Variants in FRMD5 observed in about 807,000 individuals in gnomAD.
FRMD5 encodes the protein FERM domain containing 5, also known as FERM domain-containing protein 5.
A neutral mutation model predicts 69.0 loss-of-function variants in FRMD5; 20 were observed. That is an observed-to-expected ratio of 0.29 (90% CI 0.20 to 0.42). The LOEUF is 0.42. Ranked by LOEUF, FRMD5 falls within the 10% of genes least tolerant of loss-of-function variation. The pLI is 1.00. For synonymous variants in FRMD5, 271 were observed against 260.1 expected, an observed-to-expected ratio of 1.04 and a Z score of -0.40; for missense variants, 595 against 708.6, an observed-to-expected ratio of 0.84 and a Z score of 1.82.
At chr15:43,935,697 G>A (rs2089748658) in intron 1 of FRMD5, among the ~76,000 whole-genome samples, 1 of 152,112 alleles carries the variant, frequency 6.6e-6, no homozygotes, top group Non-Finnish European at 1.5e-5. Flanking sequence ...GAAGAGTAGG[G>A]GTGAGTGGAG....
chr15:43,959,523 T>C (rs958131836), intron 1 of FRMD5, among the ~76,000 whole-genome samples: 22 of 152,212 alleles, frequency 1.4e-4, no homozygotes, highest in Non-Finnish European at 1.5e-4. Context: ...GCTGCAACTA[T>C]AGAAGTCAGG....
chr15:43,906,747 G>A (rs1389746588), intron 5 of FRMD5, among the ~76,000 whole-genome samples: 5 of 138,202 alleles, frequency 3.6e-5, no homozygotes, highest in Admixed American at 2.7e-4. Flanking sequence ...GACTACAGGC[G>A]CCTGCCACCT....
chr15:43,996,701 A>T (rs1566887545), intron 1 of FRMD5, among the ~76,000 whole-genome samples: 7 of 128,606 alleles, frequency 5.4e-5, no homozygotes, highest in Admixed American at 1.6e-4. Context: ...TTTTTTTTTT[A>T]AGCTCCTCAG....
intron 10 of FRMD5, among the ~76,000 whole-genome samples, chr15:43,886,866 T>C (rs2088675530): frequency 6.6e-6 from 1 of 152,140 alleles, no homozygotes; most frequent in Admixed American, 6.5e-5. Flanking sequence ...TACCTGGGGA[T>C]CTCACCCAGG....
intron 1 of FRMD5, among the ~76,000 whole-genome samples, chr15:44,074,610 A>G (rs868526259): frequency 6.6e-6 from 1 of 151,874 alleles, no homozygotes; most frequent in Non-Finnish European, 1.5e-5. Flanking sequence ...CCCCGGGTTC[A>G]AGTGATTCTC....
At chr15:44,063,870 C>T (rs1449704460) in intron 1 of FRMD5, 1 of 275,432 alleles carries the variant, frequency 3.6e-6, no homozygotes, top group Non-Finnish European at 7.0e-6. Flanking sequence ...AAAAGGTCAT[C>T]ATCTCTGCCC....
intron 1 of FRMD5, among the ~76,000 whole-genome samples, chr15:44,023,800 T>C (rs1330333166): frequency 6.6e-6 from 1 of 152,198 alleles, no homozygotes; most frequent in African/African-American, 2.4e-5. Flanking sequence ...GGTTATTAAC[T>C]GATTATAAAT....
chr15:44,098,120 A>AAAAAAAACC (rs1555403631), intron 1 of FRMD5, among the ~76,000 whole-genome samples: 1 of 142,246 alleles, frequency 7.0e-6, no homozygotes, highest in Non-Finnish European at 1.5e-5. Context: ...CAAAACAAAA[A>AAAAAAAACC]AAAAAAAACT....
intron 1 of FRMD5, among the ~76,000 whole-genome samples, chr15:44,074,835 A>G (rs569449039): frequency 2.0e-5 from 3 of 152,290 alleles, no homozygotes; most frequent in Non-Finnish European, 4.4e-5. Context: ...AAGGGGTACA[A>G]TACCTCCTGC....
At chr15:43,982,840 G>A (rs1376826721) in intron 1 of FRMD5, among the ~76,000 whole-genome samples, 2 of 152,170 alleles carry the variant, frequency 1.3e-5, no homozygotes, top group Non-Finnish European at 1.5e-5. Context: ...TATGAGACTT[G>A]CTGTAAAATA....
At chr15:43,993,895 C>A (rs142046054) in intron 1 of FRMD5, among the ~76,000 whole-genome samples, 31 of 152,234 alleles carry the variant, frequency 2.0e-4, no homozygotes, top group African/African-American at 7.5e-4. Flanking sequence ...AGAATAGTTA[C>A]CCCTGCTTTC....
chr15:44,141,351 T>C (rs2072670769), intron 1 of FRMD5, among the ~76,000 whole-genome samples: 1 of 152,110 alleles, frequency 6.6e-6, no homozygotes, highest in East Asian at 1.9e-4. Context: ...AAGAGTGTGA[T>C]ACTAGCCCAG....
intron 1 of FRMD5, among the ~76,000 whole-genome samples, chr15:43,931,728 C>T (rs951543341): frequency 2.6e-5 from 4 of 152,084 alleles, no homozygotes; most frequent in Admixed American, 2.0e-4. Context: ...TATTTCCCTC[C>T]TCTTCACAAA....
chr15:43,889,418 G>C (rs2088743561), intron 8 of FRMD5, among the ~76,000 whole-genome samples: 1 of 152,144 alleles, frequency 6.6e-6, no homozygotes, highest in African/African-American at 2.4e-5. Context: ...ACATACCAAA[G>C]AGAGAGAACA....
chr15:44,157,225 T>G (rs2077542849), intron 1 of FRMD5, among the ~76,000 whole-genome samples: 1 of 152,244 alleles, frequency 6.6e-6, no homozygotes, highest in African/African-American at 2.4e-5. Flanking sequence ...CCTTTCTTCA[T>G]GAAAAGTAAA....
intron 1 of FRMD5, among the ~76,000 whole-genome samples, chr15:44,188,083 C>T (rs2078132884): frequency 6.6e-6 from 1 of 152,140 alleles, no homozygotes; most frequent in South Asian, 2.1e-4. Context: ...ACAACAGGGG[C>T]CTTGACTTTT....
chr15:43,902,121 C>A, intron 7 of FRMD5, 54 bp downstream of exon 7: 1 of 1,356,750 alleles, frequency 7.4e-7, no homozygotes, highest in Non-Finnish European at 1.1e-6. Flanking sequence ...GCTCTTGCTC[C>A]TGATGCCTTC....
chr15:43,981,914 T>C (rs2090554384), intron 1 of FRMD5, among the ~76,000 whole-genome samples: 1 of 152,270 alleles, frequency 6.6e-6, no homozygotes, highest in East Asian at 1.9e-4. Flanking sequence ...TTTTCTGCCA[T>C]ATCTACAATC....
chr15:43,875,845 GA>G, intron 13 of FRMD5: 2 of 166,306 alleles, frequency 1.2e-5, no homozygotes, highest in Non-Finnish European at 2.5e-5. Context: ...TCTTTCATAT[GA>G]TTTTATTTTC....
Sources: allele counts gnomAD v4.1 joint callset (sites outside exome capture counted in the v4.1 genomes callset), GRCh38; gene constraint gnomAD v4.1.1; transcripts MANE v1.5; gene names NCBI Gene and HGNC (gene_info 2026-07-23, HGNC 2026-07-21).